Variants in TRIM69 observed in about 807,000 individuals in gnomAD.
TRIM69 encodes E3 ubiquitin-protein ligase TRIM69.
A neutral mutation model predicts 37.7 loss-of-function variants in TRIM69; 29 were observed. The ratio of observed to expected loss-of-function variants is 0.77; its 90% confidence interval spans 0.57 to 1.05. The LOEUF (loss-of-function observed/expected upper bound fraction) is 1.05, where lower values mean the gene tolerates loss of function less well. Ranked by LOEUF, TRIM69 falls within the 50% of genes least tolerant of loss-of-function variation. The pLI, the probability that TRIM69 is intolerant of heterozygous loss-of-function variation, is 0.00. For missense variants in TRIM69, 596 were observed against 579.9 expected (o/e 1.03, Z -0.28); for synonymous variants, 209 against 212.4 (o/e 0.98, Z 0.14).
chr15:44,750,950 C>CTTTTTTTTTTTT (rs71111890), intron 1 of TRIM69, among the ~76,000 whole-genome samples: 1 of 33,550 alleles, frequency 3.0e-5, no homozygotes, highest in Admixed American at 4.6e-4. Flanking sequence ...TTTCTTTTGC[C>CTTTTTTTTTTTT]TTTTTTTTTT....
chr15:44,738,022 C>T (rs1393542455), intron 1 of TRIM69, among the ~76,000 whole-genome samples: 1 of 149,392 alleles, frequency 6.7e-6, no homozygotes, highest in Non-Finnish European at 1.5e-5. Flanking sequence ...GCACAGTGAA[C>T]TGAAGGAGGA....
intron 1 of TRIM69, among the ~76,000 whole-genome samples, chr15:44,740,017 A>G (rs895805263): frequency 1.3e-4 from 19 of 151,914 alleles, no homozygotes; most frequent in African/African-American, 4.4e-4. Flanking sequence ...ATGGCCGGGT[A>G]CTCCTCTGAG....
At chr15:44,743,901 T>C (rs568385852) in intron 1 of TRIM69, among the ~76,000 whole-genome samples, 4 of 152,340 alleles carry the variant, frequency 2.6e-5, no homozygotes, top group Non-Finnish European at 5.9e-5. Flanking sequence ...AGTGTGGTGA[T>C]TCCTCAGGGA....
chr15:44,753,484 T>C (rs1021224651), intron 1 of TRIM69: 44 of 152,160 alleles, frequency 2.9e-4, no homozygotes, highest in African/African-American at 1.1e-3. Context: ...TCTCTCCTTC[T>C]TGGCTTTCAT....
At chr15:44,738,050 C>CTTTTTTTTTT (rs772041054) in intron 1 of TRIM69, among the ~76,000 whole-genome samples, 1 of 118,020 alleles carries the variant, frequency 8.5e-6, no homozygotes, top group African/African-American at 3.3e-5. Flanking sequence ...TACTTTCTTT[C>CTTTTTTTTTT]TTTCTTTTTT....
At chr15:44,763,368 C>T (rs2087818627) in intron 6 of TRIM69, among the ~76,000 whole-genome samples, 1 of 152,204 alleles carries the variant, frequency 6.6e-6, no homozygotes, top group Non-Finnish European at 1.5e-5. Context: ...TCATTGTCAT[C>T]ACATCACATT....
intron 6 of TRIM69, among the ~76,000 whole-genome samples, chr15:44,765,809 C>T (rs1441093881): frequency 6.6e-6 from 1 of 151,686 alleles, no homozygotes; most frequent in Non-Finnish European, 1.5e-5. Context: ...GAGAGAGAAA[C>T]TAGATTGATT....
At chr15:44,744,150 T>C (rs1391758365) in intron 1 of TRIM69, among the ~76,000 whole-genome samples, 1 of 151,484 alleles carries the variant, frequency 6.6e-6, no homozygotes, top group African/African-American at 2.4e-5. Context: ...GTTCATGTCC[T>C]TTTTAGGGAC....
intron 6 of TRIM69, among the ~76,000 whole-genome samples, chr15:44,761,663 C>T (rs2087778627): frequency 6.6e-6 from 1 of 152,146 alleles, no homozygotes; most frequent in East Asian, 1.9e-4. Context: ...TGAGGTTTTG[C>T]CATGTTGGCC....
intron 4 of TRIM69, 24 bp downstream of exon 4, chr15:44,758,878 T>G (rs368252078): frequency 3.1e-6 from 5 of 1,597,314 alleles, no homozygotes; most frequent in African/African-American, 1.3e-5. Flanking sequence ...CCAATATGAT[T>G]ATGGGTACCT....
intron 6 of TRIM69, among the ~76,000 whole-genome samples, chr15:44,764,660 A>G (rs1264421541): frequency 6.6e-6 from 1 of 152,262 alleles, no homozygotes; most frequent in African/African-American, 2.4e-5. Flanking sequence ...CTTTACTTAC[A>G]AAGTAGGCAG....
At chr15:44,736,988 A>G (rs911001481) in intron 1 of TRIM69, among the ~76,000 whole-genome samples, 1 of 152,204 alleles carries the variant, frequency 6.6e-6, no homozygotes, top group African/African-American at 2.4e-5. Context: ...TATCAATGTA[A>G]TCATTTTATT....
At chr15:44,744,201 C>A (rs1239467012) in intron 1 of TRIM69, among the ~76,000 whole-genome samples, 1 of 146,510 alleles carries the variant, frequency 6.8e-6, no homozygotes, top group African/African-American at 2.5e-5. Context: ...TAAACTATTG[C>A]AAGGACAAAA....
At chr15:44,766,239 A>G (rs1387426313) in intron 6 of TRIM69, among the ~76,000 whole-genome samples, 1 of 152,258 alleles carries the variant, frequency 6.6e-6, no homozygotes, top group Non-Finnish European at 1.5e-5. Flanking sequence ...TCAATTTGCT[A>G]TGAAAGTTTT....
intron 6 of TRIM69, among the ~76,000 whole-genome samples, chr15:44,762,798 T>A (rs1385217886): frequency 1.3e-5 from 2 of 152,176 alleles, no homozygotes; most frequent in Admixed American, 1.3e-4. Context: ...AATATCCTTG[T>A]CTGCTAATTC....
intron 1 of TRIM69, among the ~76,000 whole-genome samples, chr15:44,742,344 A>G (rs1214640311): frequency 7.0e-6 from 1 of 141,928 alleles, no homozygotes; most frequent in Non-Finnish European, 1.5e-5. Flanking sequence ...ATCTATGACA[A>G]ACCCACAGCC....
intron 6 of TRIM69, among the ~76,000 whole-genome samples, chr15:44,761,280 T>A (rs896799993): frequency 6.6e-6 from 1 of 152,202 alleles, no homozygotes; most frequent in Non-Finnish European, 1.5e-5. Flanking sequence ...ATTTATTCAG[T>A]TTACTTATTC....
At chr15:44,761,826 A>AT (rs1281232384) in intron 6 of TRIM69, among the ~76,000 whole-genome samples, 1 of 151,826 alleles carries the variant, frequency 6.6e-6, no homozygotes, top group African/African-American at 2.4e-5. Flanking sequence ...CCATTCATAT[A>AT]TTTTTTTGGT....
At chr15:44,744,263 A>T (rs2141313172) in intron 1 of TRIM69, among the ~76,000 whole-genome samples, 1 of 136,300 alleles carries the variant, frequency 7.3e-6, no homozygotes, top group Admixed American at 8.3e-5. Flanking sequence ...CACTGAGAAC[A>T]CATGGACACA....
Sources: allele counts gnomAD v4.1 joint callset (sites outside exome capture counted in the v4.1 genomes callset), GRCh38; gene constraint gnomAD v4.1.1; transcripts MANE v1.5; gene names NCBI Gene and HGNC (gene_info 2026-07-23, HGNC 2026-07-21).